Variants in CCDC183 observed in about 807,000 individuals in gnomAD.
CCDC183 encodes the protein coiled-coil domain containing 183.
A neutral mutation model predicts 65.2 loss-of-function variants in CCDC183; 63 were observed. The ratio of observed to expected loss-of-function variants is 0.97; its 90% CI spans 0.79 to 1.19. CCDC183 has a LOEUF of 1.19. CCDC183 is among the 50% of genes most tolerant of loss of function. CCDC183 has a pLI of 0.00. For missense variants in CCDC183, 769 were observed against 689.3 expected (o/e 1.12, Z -1.30); for synonymous variants, 323 against 276.5 (o/e 1.17, Z -1.67).
intron 5 of CCDC183, 119 bp downstream of exon 5, chr9:136,800,612 G>A: frequency 1.4e-6 from 1 of 694,390 alleles, no homozygotes. Flanking sequence ...CCTGACCACC[G>A]GCTACGCAGG....
chr9:136,807,413 C>A (rs1193599479), intron 13 of CCDC183, 159 bp from the exon 14 acceptor site: 4 of 939,692 alleles, frequency 4.3e-6, no homozygotes, highest in Non-Finnish European at 6.1e-6. Flanking sequence ...CAGCGTGAGC[C>A]GCTGCGAATG....
chr9:136,799,288 CGG>C, intron 2 of CCDC183, 65 bp downstream of exon 2: 29 of 1,520,058 alleles, frequency 1.9e-5, no homozygotes, highest in Non-Finnish European at 2.5e-5. Context: ...CACACACACT[CGG>C]AGGGCGGGCA....
chr9:136,807,447 C>G, intron 13 of CCDC183, 125 bp from the exon 14 acceptor site: 1 of 1,245,728 alleles, frequency 8.0e-7, no homozygotes, highest in South Asian at 1.6e-5. Flanking sequence ...CCTCCCGGCA[C>G]GCTGGGGCTG....
At chr9:136,801,371 G>A (rs983646410) in intron 5 of CCDC183, among the ~76,000 whole-genome samples, 3 of 149,512 alleles carry the variant, frequency 2.0e-5, no homozygotes, top group Admixed American at 6.7e-5. Flanking sequence ...CTGTTCCTCT[G>A]GTAGCGCCTT....
At chr9:136,800,834 T>C in intron 5 of CCDC183, 1 of 226,942 alleles carries the variant, frequency 4.4e-6, no homozygotes, top group Non-Finnish European at 8.7e-6. Context: ...CCTTTGAGGG[T>C]CCGCTGGGCC....
At chr9:136,806,937 G>A in intron 12 of CCDC183, 33 bp from the exon 13 acceptor site, 2 of 1,613,492 alleles carry the variant, frequency 1.2e-6, no homozygotes, top group Non-Finnish European at 1.7e-6. Context: ...CGTTCAGAGT[G>A]TCTGCACGGC....
In CCDC183 at chr9:136,800,107, C is replaced by G; in HGVS notation, c.376C>G (p.Leu126Val). ...CGGGCAGAAGCTGGAGAGCATGCAG[C>G]TGGAGCTGGACAGCCTGCGGAGCCA... ...RRGQKLESMQLELDSLRSQPD... is the reference protein window; with the variant it reads ...RRGQKLESMQVELDSLRSQPD... The change falls in exon 4 of 14, where the codon CTG becomes GTG. Residue 126 changes from leucine to valine, a missense_variant. By Grantham distance (32) the Leu-to-Val change is conservative. Transcript: ENST00000338005. The G allele has an allele frequency of 1.9e-6, 3 of 1,540,742 alleles. No homozygotes were observed. Among genetic ancestry groups the G allele is most frequent in the Non-Finnish European group, 2.6e-6 (3 of 1,143,896 alleles).
Position 136,805,412 on chromosome 9 carries a change from TGTG to T in CCDC183, c.908_910del (p.Val303del). On this transcript the variant is annotated inframe_deletion, in exon 9 of 14. Coordinates refer to ENST00000338005, the MANE Select transcript of CCDC183 (RefSeq NM_001039374.5). ...TGGAATACCAGTCGGGCGTGACTGC[TGTG>T]GTGGAGAAGGTCAAGAGTGCTGTAC... is the stretch of plus-strand genomic sequence containing the variant. 6.2e-7 allele frequency: 1 copy of T among 1,614,064 alleles called. No individual in the cohort carries two copies. Among genetic ancestry groups the T allele is most frequent in the Non-Finnish European group, 8.5e-7 (1 of 1,179,984 alleles).
chr9:136,806,908 C>T lies in CCDC183; in HGVS notation c.1389+41C>T, dbSNP rs765686060. ...GAGGAACCTGCACAGCCCACGTCCCCTCAAAGCTGACAGGCTCCCGTTCAG... is the reference window on the plus strand; with the variant it reads ...GAGGAACCTGCACAGCCCACGTCCCTTCAAAGCTGACAGGCTCCCGTTCAG... On this transcript the variant is annotated intron_variant, in intron 12 of 13. Transcript: ENST00000338005. 1.9e-6 allele frequency: 3 copies of T among 1,613,240 alleles called. No individual in the cohort carries two copies. In the Admixed American group the frequency reaches 5.0e-5, roughly 27 times the overall value.
chr9:136,801,481 G>A lies in CCDC183; in HGVS notation c.543+988G>A, dbSNP rs150819164. 3.3e-3 allele frequency among the ~76,000 whole-genome samples: 506 copies of A among 152,208 alleles called. 3 individuals are homozygous for A. Among genetic ancestry groups the A allele is most frequent in the African/African-American group, 0.012 (479 of 41,536 alleles). On this transcript the variant is annotated intron_variant, in intron 5 of 13. Transcript: ENST00000338005. ...AGCACTTTGGGAGGCCAAGGCAGGC[G>A]GATCACTTGAGGTCAGGAGTTCTAG...
intron 1 of CCDC183, 73 bp downstream of exon 1, chr9:136,796,540 A>G: frequency 9.9e-7 from 1 of 1,005,608 alleles, no homozygotes; most frequent in South Asian, 1.4e-5. Context: ...TTTTGTGGGG[A>G]AAAGAGAGAT....
chr9:136,801,944 C>T (rs115016342), intron 5 of CCDC183, among the ~76,000 whole-genome samples: 138 of 152,096 alleles, frequency 9.1e-4, no homozygotes, highest in African/African-American at 3.1e-3. Flanking sequence ...CCCACTACCA[C>T]GCCCGGCTGA....
At position 136,804,594 on chromosome 9, in the gene CCDC183, C is replaced by A; in HGVS notation, c.759C>A (p.Ile253=). The stretch of plus-strand genomic sequence containing the variant: ...AGCAGAAGAAGCTGATCGACAAGAT[C>A]CACACGAAGGAGACCAGCGAGAAGT... ...LNQQKKLIDK[I]HTKETSEKYR... is the part of the protein sequence containing the mutation. Residue 253 remains isoleucine (I), a synonymous_variant, in exon 7 of 14, where the codon ATC becomes ATA. Transcript: ENST00000338005. This position sits in a 1 kb window ranked among gnomAD's most constrained non-coding sequence, Gnocchi z 4.1. 1 of 1,613,746 alleles carries A rather than the reference C, an allele frequency of 6.2e-7. No individual in the cohort carries two copies. Among genetic ancestry groups the A allele is most frequent in the South Asian group, 1.1e-5 (1 of 91,076 alleles).
At chr9:136,799,460 C>A (rs1847702185) in intron 2 of CCDC183, 2 of 752,906 alleles carry the variant, frequency 2.7e-6, no homozygotes, top group Non-Finnish European at 4.2e-6. Context: ...CCACATCCTG[C>A]AGCAGGGGCC....
Position 136,804,093 on chromosome 9 carries a change from G to A in CCDC183, c.667-409G>A. 5.0e-6 allele frequency: 1 copy of A among 198,438 alleles called. No individual in the cohort carries two copies. Among genetic ancestry groups the A allele is most frequent in the Non-Finnish European group, 1.0e-5 (1 of 95,344 alleles). 12.3% of individuals were successfully genotyped at this position (198,438 alleles called of 1,614,324 possible). ...CGCTGGCAACGAGAGTGGCGAGGGTGAGAGCAGTGTCTGGGGTGCGTGAGC... is the reference window on the plus strand; with the variant it reads ...CGCTGGCAACGAGAGTGGCGAGGGTAAGAGCAGTGTCTGGGGTGCGTGAGC... On this transcript the variant is annotated intron_variant, in intron 6 of 13. Coordinates refer to ENST00000338005, the MANE Select transcript of CCDC183 (RefSeq NM_001039374.5). This position sits in a 1 kb window ranked among gnomAD's most constrained non-coding sequence, Gnocchi z 4.1.
At position 136,804,880 on chromosome 9, in the gene CCDC183, G is replaced by C. The variant is rs1847815255; in HGVS notation, c.847+64G>C. On this transcript the variant is annotated intron_variant, in intron 8 of 13. Coordinates refer to ENST00000338005, the MANE Select transcript of CCDC183 (RefSeq NM_001039374.5). The surrounding 1 kb of genome is among the most constrained non-coding windows in gnomAD (Gnocchi z 4.1). ...CCAAGGAGAGGCTGGCACTGATTCA[G>C]GCCAACGGATCAAGTCACCCTGAGG... 1 of 1,429,954 alleles carries C rather than the reference G, an allele frequency of 7.0e-7. No homozygotes were observed. The highest frequency in any genetic ancestry group is 1.7e-5 in the Admixed American group (1 of 57,814). 88.6% of individuals were successfully genotyped at this position (1,429,954 alleles called of 1,614,324 possible). A position where few individuals can be genotyped will look rare whatever the true frequency, so the allele number is the denominator to read the frequency against.
In CCDC183 at chr9:136,804,408, A is replaced by G; in HGVS notation, c.667-94A>G. On this transcript the variant is annotated intron_variant, in intron 6 of 13. Transcript: ENST00000338005. The surrounding 1 kb of genome is among the most constrained non-coding windows in gnomAD (Gnocchi z 4.1). The stretch of plus-strand genomic sequence containing the variant: ...CGGGGATGCAGTTCCAAAGTCTAGT[A>G]AGGTGAGCATGGCCAACCGCCCGCT... The G allele has an allele frequency of 6.8e-7, 1 of 1,479,588 alleles. No individual in the cohort carries two copies. The highest frequency in any genetic ancestry group is 9.0e-7 in the Non-Finnish European group (1 of 1,107,004). 91.7% of individuals were successfully genotyped at this position (1,479,588 alleles called of 1,614,324 possible).
intron 5 of CCDC183, 75 bp from the exon 6 acceptor site, chr9:136,802,589 T>C (rs1266443921): frequency 6.5e-7 from 1 of 1,535,642 alleles, no homozygotes; most frequent in South Asian, 1.3e-5. Context: ...CTCAGGGCTC[T>C]TAGTCGGGGG....
intron 1 of CCDC183, among the ~76,000 whole-genome samples, chr9:136,797,964 G>A (rs1847679151): frequency 6.6e-6 from 1 of 152,146 alleles, no homozygotes; most frequent in Non-Finnish European, 1.5e-5. Flanking sequence ...GGGACATCAG[G>A]TGTACGCCAC....
Sources: gnomAD v4.1 joint callset for allele counts (sites outside exome capture counted in the v4.1 genomes callset) on GRCh38, gnomAD v4.1.1 for gene constraint, Gnocchi (gnomAD v3.1) non-coding constraint, MANE v1.5 for transcripts, NCBI Gene and HGNC (gene_info 2026-07-23, HGNC 2026-07-21) for gene names.